Variants in CDC42BPB observed in about 807,000 individuals in gnomAD.
The protein encoded by CDC42BPB is CDC42 binding protein kinase beta, also known as serine/threonine-protein kinase MRCK beta.
Under a neutral mutation model 214.9 loss-of-function variants are expected in CDC42BPB, and 37 were observed. The observed-to-expected ratio is 0.17, with a 90% confidence interval of 0.13 to 0.23. The LOEUF (loss-of-function observed/expected upper bound fraction) is 0.23. Among genes scored for constraint, CDC42BPB ranks in the 10% least tolerant of loss-of-function variants. The pLI is 1.00. For missense variants in CDC42BPB, 1,694 were observed against 2,227.0 expected, an observed-to-expected ratio of 0.76 and a Z score of 4.82; for synonymous variants, 931 against 884.0, an observed-to-expected ratio of 1.05 and a Z score of -0.94.
At chr14:102,978,084 C>T (rs1893838223) in intron 9 of CDC42BPB, 42 bp downstream of exon 9, 2 of 1,471,176 alleles carry the variant, frequency 1.4e-6, no homozygotes, top group Non-Finnish European at 1.9e-6. Context: ...TCATCTACCA[C>T]AGGGGAAGTG....
In CDC42BPB at chr14:102,978,151, T is replaced by C. The variant is rs1371299187; in HGVS notation, c.1195A>G (p.Ile399Val). 3.1e-6 allele frequency: 5 copies of C among 1,613,706 alleles called. No individual in the cohort carries two copies. Among genetic ancestry groups the C allele is most frequent in the Non-Finnish European group, 4.2e-6 (5 of 1,179,666 alleles). ...CTTTCCGTTGTGAATGTAAAACCAA[T>C]GAATGGCAAATGTAATCCAGAAAAG... Reference protein sequence around the residue: ...TGFSGLHLPFIGFTFTTESCF... With the variant: ...TGFSGLHLPFVGFTFTTESCF... The change falls in exon 9 of 37, where the codon ATT becomes GTT. Residue 399 changes from isoleucine to valine, a missense_variant. Physicochemically the swap from Ile to Val is conservative, Grantham distance 29. This residue lies in a region of CDC42BPB where 225 missense variants were observed against 459.3 expected (regional missense o/e 0.49). Coordinates refer to ENST00000361246, the MANE Select transcript of CDC42BPB (RefSeq NM_006035.4).
intron 1 of CDC42BPB, among the ~76,000 whole-genome samples, chr14:103,046,869 G>T (rs1355257032): frequency 6.6e-6 from 1 of 151,874 alleles, no homozygotes; most frequent in Admixed American, 6.5e-5. Flanking sequence ...GGCCAGGCTG[G>T]TCTCCAACTC....
Position 102,968,537 on chromosome 14 carries a change from G to A in CDC42BPB, c.2175C>T (p.His725=). 8.1e-6 allele frequency: 13 copies of A among 1,614,138 alleles called. No individual in the cohort carries two copies. The highest frequency in any genetic ancestry group is 1.1e-5 in the Non-Finnish European group (13 of 1,180,036). Residue 725 remains histidine, a synonymous_variant, in exon 15 of 37, where the codon CAC becomes CAT. Coordinates refer to ENST00000361246, the MANE Select transcript of CDC42BPB (RefSeq NM_006035.4). Reference sequence around the variant, plus strand: ...AGATTTCTTTCTGCAGGGCCAGCTGGTGGCTTTCTGAATCATGCACCTCCT... The same window carrying A: ...AGATTTCTTTCTGCAGGGCCAGCTGATGGCTTTCTGAATCATGCACCTCCT... ...VKKEVHDSES[H]QLALQKEILM... is the part of the protein sequence containing the mutation.
chr14:102,954,728 T>C, intron 21 of CDC42BPB, 40 bp from the exon 22 acceptor site: 1 of 1,589,342 alleles, frequency 6.3e-7, no homozygotes, highest in South Asian at 1.1e-5. Context: ...TGAAAGGACA[T>C]ATTCTACATG....
chr14:103,046,359 A>G (rs1338800528), intron 1 of CDC42BPB, among the ~76,000 whole-genome samples: 2 of 152,138 alleles, frequency 1.3e-5, no homozygotes, highest in Admixed American at 6.5e-5. Flanking sequence ...GAGACTCAAC[A>G]CTTAAAGTCG....
intron 1 of CDC42BPB, among the ~76,000 whole-genome samples, chr14:103,051,346 G>A (rs941222988): frequency 2.0e-5 from 3 of 150,378 alleles, no homozygotes; most frequent in African/African-American, 7.4e-5. Context: ...AAAAACAAAC[G>A]TGGTCAAGGA....
intron 2 of CDC42BPB, among the ~76,000 whole-genome samples, chr14:103,009,541 T>C (rs546846503): frequency 6.6e-6 from 1 of 152,370 alleles, no homozygotes; most frequent in Non-Finnish European, 1.5e-5. Context: ...ATCAATGTTA[T>C]CTTCTTTGAA....
Position 103,008,544 on chromosome 14 carries a change from G to C in CDC42BPB, c.279C>G (p.Val93=). The C allele has an allele frequency of 6.2e-7, 1 of 1,610,656 alleles. No homozygotes were observed. Among genetic ancestry groups the C allele is most frequent in the Non-Finnish European group, 8.5e-7 (1 of 1,176,884 alleles). The change falls in exon 3 of 37, where the codon GTC becomes GTG. Residue 93 remains valine, a synonymous_variant. Transcript: ENST00000361246. ...GRGAFGEVAV[V]KMKNTERIYA... is the part of the protein sequence containing the mutation. ...AAATTCGTTCAGTATTCTTCATTTT[G>C]ACAACAGCAACCTGCAGTGCAAATG...
rs1893254444 is a variant in CDC42BPB at position 102,967,273 on chromosome 14, T to C, written c.2347-103A>G. ...TTTTGAAGACTCTGAAAGTTTTCTTTAATCGTCATGAGATTTTTCCAAACT... is the reference window on the plus strand; with the variant it reads ...TTTTGAAGACTCTGAAAGTTTTCTTCAATCGTCATGAGATTTTTCCAAACT... On this transcript the variant is annotated intron_variant, in intron 16 of 36. Transcript: ENST00000361246. The C allele has an allele frequency of 1.6e-5, 23 of 1,448,800 alleles. No individual in the cohort carries two copies. The South Asian group carries it at 1.7e-4, about 11-fold the overall frequency. 89.7% of individuals were successfully genotyped at this position (1,448,800 alleles called of 1,614,324 possible).
chr14:103,015,008 C>T (rs1270315233), intron 1 of CDC42BPB, among the ~76,000 whole-genome samples: 1 of 152,216 alleles, frequency 6.6e-6, no homozygotes, highest in Admixed American at 6.5e-5. Context: ...TTTCCCCCTA[C>T]TCTTTTGATA....
Position 103,057,348 on chromosome 14 carries a change from G to C in CDC42BPB, c.-175C>G, listed in dbSNP as rs947422838. 19 of 1,020,856 alleles carry C rather than the reference G, an allele frequency of 1.9e-5. No individual in the cohort carries two copies. Among genetic ancestry groups the C allele is most frequent in the African/African-American group, 3.5e-5 (2 of 57,412 alleles). The allele number at this position is 1,020,856 out of a possible 1,614,324, so 63.2% of individuals were successfully genotyped here. A position where few individuals can be genotyped will look rare whatever the true frequency, so the allele number is the denominator to read the frequency against. ...AGGCCGACATCTTGGGCTCCGTCCCGACGGCGCAGAGTCTGGGGCGCCGGG... is the reference window on the plus strand; with the variant it reads ...AGGCCGACATCTTGGGCTCCGTCCCCACGGCGCAGAGTCTGGGGCGCCGGG... On this transcript the variant is annotated 5_prime_UTR_variant, in exon 1 of 37. Transcript: ENST00000361246.
At position 102,940,148 on chromosome 14, in the gene CDC42BPB, G is replaced by A. The variant is rs1376603947; in HGVS notation, c.4507-18C>T. 1.1e-5 allele frequency: 17 copies of A among 1,614,086 alleles called. No homozygotes were observed. Among genetic ancestry groups the A allele is most frequent in the Non-Finnish European group, 1.4e-5 (17 of 1,180,038 alleles). On this transcript the variant is annotated intron_variant, in intron 31 of 36. Coordinates refer to ENST00000361246, the MANE Select transcript of CDC42BPB (RefSeq NM_006035.4). ...GGCCTTATCTGGATTGGAAACCAGG[G>A]AGGGACAGTAAGCGCGGCCACGCAC...
intron 3 of CDC42BPB, among the ~76,000 whole-genome samples, chr14:103,005,783 A>G (rs1895209652): frequency 6.6e-6 from 1 of 152,184 alleles, no homozygotes; most frequent in South Asian, 2.1e-4. Flanking sequence ...GCACTTTGGG[A>G]GGCTGAGGCA....
intron 1 of CDC42BPB, among the ~76,000 whole-genome samples, chr14:103,033,348 A>G (rs1346467399): frequency 1.3e-5 from 2 of 152,050 alleles, no homozygotes; most frequent in African/African-American, 2.4e-5. Context: ...CAGCCTCCCA[A>G]GTAGCTGGGA....
intron 1 of CDC42BPB, among the ~76,000 whole-genome samples, chr14:103,027,191 G>C (rs1160569390): frequency 2.6e-5 from 4 of 152,142 alleles, no homozygotes; most frequent in Admixed American, 6.6e-5. Flanking sequence ...ATCATAACAA[G>C]CGTTGGCCAT....
chr14:103,014,179 A>AG (rs1251471408), intron 1 of CDC42BPB, among the ~76,000 whole-genome samples: 1 of 151,598 alleles, frequency 6.6e-6, no homozygotes, highest in Non-Finnish European at 1.5e-5. Context: ...AAAAAAAAAA[A>AG]AAAAAAAGCT....
chr14:103,047,903 C>CAAAAAAAA lies in CDC42BPB; in HGVS notation c.175+9088_175+9095dup, dbSNP rs376515642. Among the ~76,000 whole-genome samples the CAAAAAAAA allele has an allele frequency of 1.0e-4, 13 of 127,772 alleles. 2 individuals are homozygous for CAAAAAAAA. The highest frequency in any genetic ancestry group is 2.1e-4 in the East Asian group (1 of 4,812). 83.8% of individuals were successfully genotyped at this position (127,772 alleles called of 152,430 possible). On this transcript the variant is annotated intron_variant, in intron 1 of 36. Coordinates refer to ENST00000361246, the MANE Select transcript of CDC42BPB (RefSeq NM_006035.4). ...GGGCAACAGAGCAAGACTCTGTGTC[C>CAAAAAAAA]AAAAAAAAAAGCATTTTCAGACAGA...
chr14:103,000,562 G>A (rs1011051480), intron 4 of CDC42BPB, among the ~76,000 whole-genome samples: 1 of 152,248 alleles, frequency 6.6e-6, no homozygotes. Context: ...AGTGAATGCT[G>A]GGGAAGCACG....
intron 12 of CDC42BPB, 185 bp from the exon 13 acceptor site, chr14:102,972,346 T>C (rs935541025): frequency 8.1e-6 from 8 of 985,178 alleles, no homozygotes; most frequent in Non-Finnish European, 9.6e-6. Flanking sequence ...ACACAGGCAA[T>C]GGGAAGGCCG....
Sources: gnomAD v4.1 joint callset for allele counts (sites outside exome capture counted in the v4.1 genomes callset) on GRCh38, gnomAD v4.1.1 for gene constraint, gnomAD v4.1.1 regional missense constraint, MANE v1.5 for transcripts, NCBI Gene and HGNC (gene_info 2026-07-23, HGNC 2026-07-21) for gene names.